Variants in SEC22A observed in about 807,000 individuals in gnomAD.
SEC22A encodes SEC22 homolog A, vesicle trafficking protein, also known as vesicle-trafficking protein SEC22a.
SEC22A carries 22 observed loss-of-function variants against 35.3 expected under a neutral mutation model. That is an observed-to-expected ratio of 0.62 (90% CI 0.45 to 0.89). The LOEUF (loss-of-function observed/expected upper bound fraction) is 0.89, where lower values mean the gene tolerates loss of function less well. Ranked by LOEUF, SEC22A falls within the 40% of genes least tolerant of loss-of-function variation. SEC22A has a pLI of 0.00. For synonymous variants in SEC22A, 119 were observed against 129.5 expected (o/e 0.92, Z 0.55); for missense variants, 354 against 362.5 (o/e 0.98, Z 0.19).
intron 2 of SEC22A, among the ~76,000 whole-genome samples, chr3:123,215,672 G>A (rs1937007989): frequency 6.6e-6 from 1 of 152,176 alleles, no homozygotes; most frequent in African/African-American, 2.4e-5. Flanking sequence ...CACAAAAATA[G>A]TAAATGATAT....
At chr3:123,208,100 G>A (rs1038414252) in intron 1 of SEC22A, among the ~76,000 whole-genome samples, 3 of 151,404 alleles carry the variant, frequency 2.0e-5, no homozygotes, top group Admixed American at 6.6e-5. Context: ...CTTTATCTTC[G>A]TCTCTTTATC....
chr3:123,228,576 CAA>C (rs528536258), intron 4 of SEC22A, among the ~76,000 whole-genome samples: 61 of 83,024 alleles, frequency 7.3e-4, no homozygotes, highest in Non-Finnish European at 1.1e-3. Context: ...AACTCCATCT[CAA>C]AAAAAAAAAA....
intron 6 of SEC22A, among the ~76,000 whole-genome samples, chr3:123,259,887 C>T (rs932402374): frequency 2.0e-5 from 3 of 151,976 alleles, no homozygotes; most frequent in Admixed American, 6.6e-5. Flanking sequence ...AATCCCAGCA[C>T]TTTAGGAGGC....
At chr3:123,202,571 A>G (rs2108019103) in intron 1 of SEC22A, among the ~76,000 whole-genome samples, 1 of 152,264 alleles carries the variant, frequency 6.6e-6, no homozygotes, top group Middle Eastern at 3.4e-3. Context: ...ACGATGTGGC[A>G]GAAGGGAGAC....
At position 123,257,698 on chromosome 3, in the gene SEC22A, C is replaced by T. The variant is rs116562825; in HGVS notation, c.658-1826C>T. 5.8e-3 allele frequency among the ~76,000 whole-genome samples: 870 copies of T among 148,972 alleles called. 8 individuals carry two copies. The highest frequency in any genetic ancestry group is 0.02 in the African/African-American group (816 of 40,410). On this transcript the variant is annotated intron_variant, in intron 5 of 6. Coordinates refer to ENST00000492595, the MANE Select transcript of SEC22A (RefSeq NM_012430.5). ...TGGGTGATAGAACGAGACTCAATCT[C>T]GAAAGAAAGAGGCCGGGTGCAGTGG...
chr3:123,253,957 A>C (rs749540396), intron 5 of SEC22A, among the ~76,000 whole-genome samples: 2 of 152,030 alleles, frequency 1.3e-5, no homozygotes, highest in Non-Finnish European at 2.9e-5. Context: ...AAAGAAAATA[A>C]AAAAGTTATA....
intron 6 of SEC22A, among the ~76,000 whole-genome samples, chr3:123,262,682 C>CTAAG (rs1559764551): frequency 6.6e-6 from 1 of 152,120 alleles, no homozygotes; most frequent in Non-Finnish European, 1.5e-5. Flanking sequence ...GTAGGCTAGG[C>CTAAG]TAAGCTATGA....
At position 123,223,555 on chromosome 3, in the gene SEC22A, G is replaced by A. The variant is rs1546604; in HGVS notation, c.183-4G>A. The A allele has an allele frequency of 0.19, 303,082 of 1,607,974 alleles. 29,625 individuals are homozygous for A. Among genetic ancestry groups the A allele is most frequent in the Middle Eastern group, 0.28 (1,684 of 6,038 alleles). ...TTTTAAAACCAATGTTTTTTACACT[G>A]TAGTTTTATTAGCTCTCTGGGAGTG... On this transcript the variant is annotated splice_polypyrimidine_tract_variant and splice_region_variant and intron_variant, in intron 2 of 6. Transcript: ENST00000492595.
chr3:123,211,961 G>A (rs974517707), intron 2 of SEC22A, among the ~76,000 whole-genome samples: 2 of 152,262 alleles, frequency 1.3e-5, no homozygotes, highest in African/African-American at 4.8e-5. Flanking sequence ...GGCGACATAC[G>A]TGGGAGGATC....
intron 2 of SEC22A, among the ~76,000 whole-genome samples, chr3:123,222,388 G>A (rs1223557221): frequency 2.6e-5 from 4 of 151,792 alleles, no homozygotes; most frequent in Admixed American, 6.6e-5. Context: ...TAGTAGAGAC[G>A]GGGTTTCACC....
chr3:123,240,279 G>T (rs566319098), intron 4 of SEC22A, among the ~76,000 whole-genome samples: 3 of 152,108 alleles, frequency 2.0e-5, no homozygotes, highest in African/African-American at 7.2e-5. Flanking sequence ...CATCTCCCCC[G>T]AAAAGTTTCT....
intron 1 of SEC22A, chr3:123,208,890 G>T (rs985400026): frequency 3.6e-6 from 1 of 274,732 alleles, no homozygotes; most frequent in East Asian, 9.5e-5. Context: ...TGCCTCCCGG[G>T]TTCAAGCAAT....
At chr3:123,237,729 CTG>C (rs997574493) in intron 4 of SEC22A, among the ~76,000 whole-genome samples, 3 of 152,166 alleles carry the variant, frequency 2.0e-5, no homozygotes, top group African/African-American at 7.2e-5. Context: ...GAGGTAGACT[CTG>C]TTAGAAACTC....
intron 4 of SEC22A, 146 bp from the exon 5 acceptor site, chr3:123,245,753 G>C (rs1187378730): frequency 1.8e-6 from 1 of 550,900 alleles, no homozygotes; most frequent in Non-Finnish European, 3.3e-6. Context: ...TTTTATAACA[G>C]TATTTAATTG....
Position 123,237,729 on chromosome 3 carries a change from C to A in SEC22A, c.542-8170C>A, listed in dbSNP as rs192802134. Among the ~76,000 whole-genome samples, 7 of 152,284 alleles carry A rather than the reference C, an allele frequency of 4.6e-5. No individual in the cohort carries two copies. In the East Asian group the frequency reaches 1.4e-3, roughly 29 times the overall value. On this transcript the variant is annotated intron_variant, in intron 4 of 6. Coordinates refer to ENST00000492595, the MANE Select transcript of SEC22A (RefSeq NM_012430.5). The stretch of plus-strand genomic sequence containing the variant: ...AACTTGACTTACCAGGAGGTAGACT[C>A]TGTTAGAAACTCCACGTATCACCTG...
At chr3:123,262,079 A>C (rs1937906048) in intron 6 of SEC22A, among the ~76,000 whole-genome samples, 1 of 152,218 alleles carries the variant, frequency 6.6e-6, no homozygotes, top group Non-Finnish European at 1.5e-5. Flanking sequence ...TTTTTCCCCC[A>C]CAGTAAAACT....
At chr3:123,222,059 T>A (rs533076276) in intron 2 of SEC22A, among the ~76,000 whole-genome samples, 1 of 152,306 alleles carries the variant, frequency 6.6e-6, no homozygotes, top group African/African-American at 2.4e-5. Flanking sequence ...GTTCCTACCA[T>A]ACTTTATCTA....
At chr3:123,244,221 G>A (rs1302998568) in intron 4 of SEC22A, among the ~76,000 whole-genome samples, 1 of 152,104 alleles carries the variant, frequency 6.6e-6, no homozygotes, top group African/African-American at 2.4e-5. Context: ...CTTATGTTGT[G>A]GGCAGATGGA....
intron 4 of SEC22A, among the ~76,000 whole-genome samples, chr3:123,227,072 A>T (rs924356574): frequency 1.3e-5 from 2 of 152,200 alleles, no homozygotes; most frequent in African/African-American, 4.8e-5. Context: ...CGTCTGCTCA[A>T]ACCTCCCATC....
Sources: gnomAD v4.1 joint callset for allele counts (sites outside exome capture counted in the v4.1 genomes callset) on GRCh38, gnomAD v4.1.1 for gene constraint, MANE v1.5 for transcripts, NCBI Gene and HGNC (gene_info 2026-07-23, HGNC 2026-07-21) for gene names.